The following EPHA6 variants were observed in gnomAD, a reference collection of about 807,000 sequenced individuals.
EPHA6 encodes the protein ephrin type-A receptor 6.
A neutral mutation model predicts 112.0 loss-of-function variants in EPHA6; 50 were observed. The observed-to-expected ratio is 0.45, with a 90% CI of 0.36 to 0.56. EPHA6 has a LOEUF of 0.56. Among genes scored for constraint, EPHA6 ranks in the 20% least tolerant of loss-of-function variants. The pLI is 0.00. For missense variants in EPHA6, 1,280 were observed against 1,417.4 expected (o/e 0.90, Z 1.56); for synonymous variants, 529 against 490.7 (o/e 1.08, Z -1.03).
At chr3:97,314,113 A>G (rs1235838495) in intron 5 of EPHA6, among the ~76,000 whole-genome samples, 6 of 151,564 alleles carry the variant, frequency 4.0e-5, no homozygotes, top group East Asian at 1.9e-4. Context: ...CAGTTTGCCA[A>G]CACCATTTAT....
chr3:97,014,423 C>A (rs557843412), intron 3 of EPHA6, among the ~76,000 whole-genome samples: 1 of 151,332 alleles, frequency 6.6e-6, no homozygotes, highest in South Asian at 2.1e-4. Flanking sequence ...CCTTCTTTCC[C>A]TCCCACCTTC....
intron 14 of EPHA6, among the ~76,000 whole-genome samples, chr3:97,684,944 C>G (rs2032137605): frequency 6.6e-6 from 1 of 152,072 alleles, no homozygotes; most frequent in African/African-American, 2.4e-5. Context: ...TTGTTGTCAC[C>G]TTTAACGGGT....
intron 2 of EPHA6, among the ~76,000 whole-genome samples, chr3:96,882,162 G>T (rs1049485534): frequency 6.6e-6 from 1 of 152,130 alleles, no homozygotes; most frequent in African/African-American, 2.4e-5. Context: ...CTGTGTGGAG[G>T]CTCTGACCCC....
intron 1 of EPHA6, among the ~76,000 whole-genome samples, chr3:96,820,629 T>G (rs2033180480): frequency 1.3e-5 from 2 of 152,096 alleles, no homozygotes; most frequent in Admixed American, 1.3e-4. Flanking sequence ...AACAAAAATA[T>G]GTAGCAAGGC....
At chr3:97,334,660 A>G (rs374207401) in intron 5 of EPHA6, among the ~76,000 whole-genome samples, 3 of 151,702 alleles carry the variant, frequency 2.0e-5, no homozygotes, top group Admixed American at 2.0e-4. Flanking sequence ...GGAGATTTTA[A>G]ATAATGAATT....
intron 7 of EPHA6, among the ~76,000 whole-genome samples, chr3:97,454,274 T>C (rs937528799): frequency 7.2e-5 from 11 of 151,806 alleles, no homozygotes; most frequent in Admixed American, 6.6e-4. Flanking sequence ...TGTAAACTCA[T>C]TGAGATAAAG....
intron 15 of EPHA6, among the ~76,000 whole-genome samples, chr3:97,725,676 T>G (rs1193470913): frequency 6.6e-6 from 1 of 152,084 alleles, no homozygotes; most frequent in Non-Finnish European, 1.5e-5. Context: ...GGCCAAAAAA[T>G]TCTTTGCAGA....
chr3:97,154,490 A>G (rs1226652523), intron 3 of EPHA6, among the ~76,000 whole-genome samples: 1 of 152,144 alleles, frequency 6.6e-6, no homozygotes, highest in Non-Finnish European at 1.5e-5. Flanking sequence ...TATGATTCAA[A>G]CATTTCAAAT....
intron 3 of EPHA6, among the ~76,000 whole-genome samples, chr3:97,060,659 C>T (rs995224658): frequency 2.0e-5 from 3 of 151,990 alleles, no homozygotes; most frequent in African/African-American, 4.8e-5. Flanking sequence ...CGCCTGTAAT[C>T]CCAGCACTTT....
At chr3:96,947,109 A>G (rs2041306241) in intron 2 of EPHA6, among the ~76,000 whole-genome samples, 1 of 149,784 alleles carries the variant, frequency 6.7e-6, no homozygotes, top group Non-Finnish European at 1.5e-5. Flanking sequence ...GATTGTGAAA[A>G]TTTTCTCCCA....
At chr3:96,948,669 C>T (rs1193776099) in intron 2 of EPHA6, among the ~76,000 whole-genome samples, 3 of 152,110 alleles carry the variant, frequency 2.0e-5, no homozygotes, top group Admixed American at 2.0e-4. Context: ...TGCCTCCTTT[C>T]ACCACAAGCT....
At chr3:97,642,989 T>C (rs2094022968) in intron 14 of EPHA6, among the ~76,000 whole-genome samples, 1 of 150,798 alleles carries the variant, frequency 6.6e-6, no homozygotes, top group Non-Finnish European at 1.5e-5. Context: ...CACATAATTG[T>C]CAGATTCACC....
At chr3:97,527,808 C>G (rs1041269441) in intron 10 of EPHA6, among the ~76,000 whole-genome samples, 1 of 152,086 alleles carries the variant, frequency 6.6e-6, no homozygotes, top group Non-Finnish European at 1.5e-5. Flanking sequence ...TGGCATGGAA[C>G]TGAAACTTAC....
intron 6 of EPHA6, among the ~76,000 whole-genome samples, chr3:97,443,442 T>C (rs919937883): frequency 4.0e-5 from 6 of 151,300 alleles, no homozygotes; most frequent in African/African-American, 1.5e-4. Flanking sequence ...CTTGCACCTA[T>C]ATTTTCAAAT....
chr3:97,186,405 C>G (rs867115271), intron 3 of EPHA6, among the ~76,000 whole-genome samples: 15 of 152,198 alleles, frequency 9.9e-5, no homozygotes, highest in Middle Eastern at 3.4e-3. Flanking sequence ...TAAAACTAAT[C>G]TATTCCATGT....
intron 2 of EPHA6, among the ~76,000 whole-genome samples, chr3:96,884,068 A>G (rs796292873): frequency 3.3e-5 from 5 of 151,952 alleles, no homozygotes; most frequent in South Asian, 4.2e-4. Context: ...ATTCTGTTCC[A>G]TTGGTCTATG....
intron 5 of EPHA6, among the ~76,000 whole-genome samples, chr3:97,351,327 C>G (rs2108894716): frequency 6.6e-6 from 1 of 152,310 alleles, no homozygotes; most frequent in Non-Finnish European, 1.5e-5. Context: ...GCTTATAAAA[C>G]AGTGACTAAA....
chr3:97,397,699 A>C lies in EPHA6; in HGVS notation c.1607-7451A>C, dbSNP rs535204747. The stretch of plus-strand genomic sequence containing the variant: ...ATTTAACAAAATCAAAACTTTATGC[A>C]TGAACCGTGAAAACGCTAATAGGAA... On this transcript the variant is annotated intron_variant, in intron 5 of 17. Coordinates refer to ENST00000389672, the MANE Select transcript of EPHA6 (RefSeq NM_001080448.3). 1.4e-4 allele frequency among the ~76,000 whole-genome samples: 21 copies of C among 151,754 alleles called. 1 individual carries two copies. Among genetic ancestry groups the C allele is most frequent in the African/African-American group, 4.6e-4 (19 of 41,534 alleles).
At chr3:97,060,663 G>A (rs1389617896) in intron 3 of EPHA6, among the ~76,000 whole-genome samples, 14 of 151,974 alleles carry the variant, frequency 9.2e-5, no homozygotes, top group African/African-American at 1.9e-4. Flanking sequence ...TGTAATCCCA[G>A]CACTTTGGGA....
Sources: gnomAD v4.1 joint callset for allele counts (sites outside exome capture counted in the v4.1 genomes callset) on GRCh38, gnomAD v4.1.1 for gene constraint, MANE v1.5 for transcripts, NCBI Gene and HGNC (gene_info 2026-07-23, HGNC 2026-07-21) for gene names.